The following PPP6R2 variants were observed in gnomAD, a reference collection of about 807,000 sequenced individuals.
PPP6R2 encodes protein phosphatase 6 regulatory subunit 2.
A neutral mutation model predicts 100.2 loss-of-function variants in PPP6R2; 62 were observed. That is an observed-to-expected ratio of 0.62 (90% CI 0.50 to 0.76). The LOEUF is 0.76. PPP6R2 is among the 30% of genes least tolerant of loss of function. The probability of loss-of-function intolerance (pLI) is 0.00; values close to 1 mark genes in which losing one functional copy is unlikely to be tolerated. For synonymous variants in PPP6R2, 525 were observed against 514.7 expected (o/e 1.02, Z -0.27); for missense variants, 1,142 against 1,276.3 (o/e 0.89, Z 1.60).
At chr22:50,417,903 A>G (rs2060762740) in intron 6 of PPP6R2, among the ~76,000 whole-genome samples, 1 of 152,132 alleles carries the variant, frequency 6.6e-6, no homozygotes, top group African/African-American at 2.4e-5. Context: ...ATGTGAACCA[A>G]TGCTGCAGGG....
At chr22:50,389,464 A>G (rs2054960145) in intron 2 of PPP6R2, among the ~76,000 whole-genome samples, 1 of 152,126 alleles carries the variant, frequency 6.6e-6, no homozygotes, top group Non-Finnish European at 1.5e-5. Context: ...GAGTCAGTTT[A>G]TACCAGTTTC....
chr22:50,424,415 T>G (rs2061755208), intron 10 of PPP6R2, among the ~76,000 whole-genome samples: 1 of 149,114 alleles, frequency 6.7e-6, no homozygotes, highest in African/African-American at 2.5e-5. Context: ...GTGTGGAAGG[T>G]CCGTCCGCGT....
At chr22:50,441,536 T>TTG (rs1213559318) in intron 22 of PPP6R2, among the ~76,000 whole-genome samples, 2 of 152,116 alleles carry the variant, frequency 1.3e-5, no homozygotes, top group Non-Finnish European at 2.9e-5. Flanking sequence ...GGCCTATGAT[T>TTG]CCGAGACGCC....
intron 13 of PPP6R2, among the ~76,000 whole-genome samples, chr22:50,436,137 CCA>C (rs2064197469): frequency 6.6e-6 from 1 of 152,228 alleles, no homozygotes; most frequent in African/African-American, 2.4e-5. Flanking sequence ...ACCACCCTGC[CCA>C]CAGGTGCTGC....
intron 2 of PPP6R2, among the ~76,000 whole-genome samples, chr22:50,378,148 A>T (rs1198505807): frequency 2.0e-5 from 3 of 152,256 alleles, no homozygotes; most frequent in African/African-American, 7.2e-5. Flanking sequence ...GATCAACTTT[A>T]TCTGAGCAGC....
upstream of PPP6R2, among the ~76,000 whole-genome samples, chr22:50,340,016 AGTGT>A (rs1262131047): frequency 5.0e-3 from 316 of 63,188 alleles, no homozygotes; most frequent in Non-Finnish European, 8.2e-3. Context: ...TGTGGTATGT[AGTGT>A]GTGTGTAGGG....
chr22:50,381,366 CCACACGGGCCCCACCTCAGCAT>C (rs1224378029), intron 2 of PPP6R2, among the ~76,000 whole-genome samples: 7 of 65,952 alleles, frequency 1.1e-4, no homozygotes, highest in South Asian at 8.4e-4. Flanking sequence ...CACCTCAGCA[CCACACGGGCCCCACCTCAGCAT>C]CACACGGGCC....
At chr22:50,367,304 T>C (rs931829006) in intron 1 of PPP6R2, among the ~76,000 whole-genome samples, 2 of 152,066 alleles carry the variant, frequency 1.3e-5, no homozygotes, top group African/African-American at 4.8e-5. Flanking sequence ...TTGGAAGAAG[T>C]TTCCCTAGAA....
At chr22:50,377,443 CAATAAT>C (rs746464460) in intron 2 of PPP6R2, among the ~76,000 whole-genome samples, 4 of 135,856 alleles carry the variant, frequency 2.9e-5, no homozygotes, top group Middle Eastern at 3.8e-3. Context: ...GACCCTCTCT[CAATAAT>C]AATAATAATA....
chr22:50,428,738 TA>T (rs77686598), intron 10 of PPP6R2, among the ~76,000 whole-genome samples: 42 of 148,996 alleles, frequency 2.8e-4, no homozygotes, highest in African/African-American at 5.4e-4. Flanking sequence ...ATACATATTC[TA>T]AAAAAAAAAA....
the PPP6R2 span, among the ~76,000 whole-genome samples, chr22:50,331,026 C>T: frequency 6.6e-5 from 10 of 152,108 alleles, no homozygotes; most frequent in Non-Finnish European, 1.2e-4. Flanking sequence ...TAAGCCATGA[C>T]GTGTGTGGGG....
chr22:50,346,334 GTCAGTTCCCCCCGCAA>G (rs1325821071), intron 1 of PPP6R2, among the ~76,000 whole-genome samples: 2 of 13,652 alleles, frequency 1.5e-4, no homozygotes, highest in East Asian at 6.3e-3. Flanking sequence ...TGCCCCCCCA[GTCAGTTCCCCCCGCAA>G]TCAGTTCCCC....
At chr22:50,351,865 C>T (rs2045358633) in intron 1 of PPP6R2, among the ~76,000 whole-genome samples, 1 of 152,096 alleles carries the variant, frequency 6.6e-6, no homozygotes, top group African/African-American at 2.4e-5. Context: ...GCGATCTCGG[C>T]TCACTGCAAG....
chr22:50,391,648 AT>A (rs2055580816), intron 2 of PPP6R2, among the ~76,000 whole-genome samples: 1 of 150,062 alleles, frequency 6.7e-6, no homozygotes, highest in South Asian at 2.1e-4. Flanking sequence ...TGAAATGACT[AT>A]TTGCATTTAA....
intron 1 of PPP6R2, among the ~76,000 whole-genome samples, chr22:50,364,236 G>T (rs1230615146): frequency 6.6e-6 from 1 of 152,144 alleles, no homozygotes; most frequent in African/African-American, 2.4e-5. Context: ...GGAATGGATA[G>T]CCTGGAAAAG....
intron 2 of PPP6R2, among the ~76,000 whole-genome samples, chr22:50,392,855 G>A (rs1422972547): frequency 6.6e-6 from 1 of 152,210 alleles, no homozygotes; most frequent in African/African-American, 2.4e-5. Context: ...CGGCTTTACA[G>A]TCAGACAAAC....
At chr22:50,333,345 T>C in the PPP6R2 span, among the ~76,000 whole-genome samples, 116 of 151,662 alleles carry the variant, frequency 7.6e-4, 1 homozygote, top group Non-Finnish European at 1.4e-3. Flanking sequence ...TTTTCTTTTT[T>C]TTTTTTTTTG....
intron 7 of PPP6R2, 117 bp from the exon 8 acceptor site, chr22:50,419,232 G>C (rs1033907321): frequency 1.1e-5 from 10 of 935,922 alleles, no homozygotes; most frequent in Non-Finnish European, 1.6e-5. Flanking sequence ...GCCTTGCCTT[G>C]AGCCTGAGCA....
At chr22:50,396,756 A>G (rs2056982575) in intron 3 of PPP6R2, among the ~76,000 whole-genome samples, 2 of 152,306 alleles carry the variant, frequency 1.3e-5, no homozygotes, top group South Asian at 4.1e-4. Context: ...GGGGGTGGTC[A>G]GTACTTCATT....
Sources: allele counts gnomAD v4.1 joint callset (sites outside exome capture counted in the v4.1 genomes callset), GRCh38; gene constraint gnomAD v4.1.1; transcripts MANE v1.5; gene names NCBI Gene and HGNC (gene_info 2026-07-23, HGNC 2026-07-21).